Variants in WDR25 observed in about 807,000 individuals in gnomAD.
WDR25 encodes WD repeat domain 25, also known as WD repeat-containing protein 25.
Under a neutral mutation model 47.7 loss-of-function variants are expected in WDR25, and 35 were observed. The ratio of observed to expected loss-of-function variants is 0.73; its 90% CI spans 0.56 to 0.97. The LOEUF (loss-of-function observed/expected upper bound fraction) is 0.97, where lower values mean the gene tolerates loss of function less well. Among genes scored for constraint, WDR25 ranks in the 50% least tolerant of loss-of-function variants. WDR25 has a pLI of 0.00. For missense variants in WDR25, 634 were observed against 704.7 expected (o/e 0.90, Z 1.14); for synonymous variants, 248 against 278.9 (o/e 0.89, Z 1.10).
chr14:100,406,867 G>A (rs1897554462), intron 2 of WDR25: 1 of 152,384 alleles, frequency 6.6e-6, no homozygotes, highest in Non-Finnish European at 1.5e-5. Context: ...GCGGTTGGCA[G>A]ATGTGAAATG....
At chr14:100,442,560 C>T (rs1898703351) in intron 2 of WDR25, among the ~76,000 whole-genome samples, 1 of 152,162 alleles carries the variant, frequency 6.6e-6, no homozygotes, top group Non-Finnish European at 1.5e-5. Context: ...GTGATCTGTC[C>T]CCTTGTATCT....
At chr14:100,445,273 T>A (rs1395214542) in intron 2 of WDR25, among the ~76,000 whole-genome samples, 1 of 152,246 alleles carries the variant, frequency 6.6e-6, no homozygotes, top group Non-Finnish European at 1.5e-5. Context: ...TCATTAAAAA[T>A]CATGCAAATA....
intron 3 of WDR25, among the ~76,000 whole-genome samples, chr14:100,475,000 A>G (rs1194888241): frequency 3.3e-5 from 5 of 152,236 alleles, no homozygotes; most frequent in African/African-American, 9.6e-5. Flanking sequence ...GACTTTTCTC[A>G]AAAGAAGAGA....
intron 2 of WDR25, among the ~76,000 whole-genome samples, chr14:100,385,694 TC>T (rs1897003147): frequency 6.6e-6 from 1 of 152,160 alleles, no homozygotes; most frequent in Non-Finnish European, 1.5e-5. Flanking sequence ...GACGATCCCT[TC>T]CTCCCCTTGT....
intron 4 of WDR25, among the ~76,000 whole-genome samples, chr14:100,522,482 A>G (rs1236325925): frequency 6.6e-6 from 1 of 152,162 alleles, no homozygotes; most frequent in Non-Finnish European, 1.5e-5. Flanking sequence ...GTCCTGTGCT[A>G]CCTTTCCACT....
chr14:100,514,045 C>T (rs1203129579), intron 4 of WDR25, among the ~76,000 whole-genome samples: 1 of 151,862 alleles, frequency 6.6e-6, no homozygotes, highest in African/African-American at 2.4e-5. Flanking sequence ...ACGCCATTCT[C>T]CTGCCTCAGC....
chr14:100,495,104 C>A (rs1900689474), intron 4 of WDR25, among the ~76,000 whole-genome samples: 1 of 152,212 alleles, frequency 6.6e-6, no homozygotes, highest in African/African-American at 2.4e-5. Context: ...CGCCTGTAAT[C>A]CCAGCACTTT....
At chr14:100,413,563 A>G (rs1006060823) in intron 2 of WDR25, among the ~76,000 whole-genome samples, 21 of 151,926 alleles carry the variant, frequency 1.4e-4, no homozygotes, top group Admixed American at 1.0e-3. Context: ...ACAGGCGCCC[A>G]CCACCACGCC....
chr14:100,528,940 T>C (rs1198832236), intron 5 of WDR25, 128 bp from the exon 6 acceptor site: 1 of 1,100,732 alleles, frequency 9.1e-7, no homozygotes, highest in Non-Finnish European at 1.2e-6. Context: ...TGTGGTGATT[T>C]GTCACAGCAG....
intron 2 of WDR25, among the ~76,000 whole-genome samples, chr14:100,446,109 G>C (rs865970422): frequency 2.0e-5 from 3 of 152,148 alleles, no homozygotes; most frequent in Admixed American, 6.5e-5. Context: ...CCTTCCTCCT[G>C]GCGTGGTGGG....
At chr14:100,513,933 T>C (rs1375991425) in intron 4 of WDR25, among the ~76,000 whole-genome samples, 2 of 149,994 alleles carry the variant, frequency 1.3e-5, no homozygotes, top group South Asian at 2.1e-4. Flanking sequence ...GGCATATCTT[T>C]TTTACTTTTT....
At chr14:100,492,129 G>A (rs774947539) in intron 4 of WDR25, among the ~76,000 whole-genome samples, 6 of 152,218 alleles carry the variant, frequency 3.9e-5, no homozygotes, top group Admixed American at 6.5e-5. Context: ...GTTAGATGGC[G>A]CATGCCCTAA....
intron 4 of WDR25, among the ~76,000 whole-genome samples, chr14:100,486,164 G>A (rs893932926): frequency 2.0e-5 from 3 of 152,030 alleles, no homozygotes; most frequent in African/African-American, 7.2e-5. Flanking sequence ...GTTTGAAGTG[G>A]GACCTCCTGA....
intron 2 of WDR25, among the ~76,000 whole-genome samples, chr14:100,401,519 C>T (rs1378523753): frequency 6.6e-6 from 1 of 152,224 alleles, no homozygotes; most frequent in Non-Finnish European, 1.5e-5. Flanking sequence ...AGGGCTGCCT[C>T]AGGTTGGATC....
chr14:100,434,574 A>G (rs1045718968), intron 2 of WDR25, among the ~76,000 whole-genome samples: 6 of 152,158 alleles, frequency 3.9e-5, no homozygotes. Flanking sequence ...TTGAAATACA[A>G]TTTGGTTCCT....
rs1013619855 is a variant in WDR25 at position 100,428,373 on chromosome 14, C to T, written c.823-39648C>T. Reference sequence around the variant, plus strand: ...TGTAGCGAGCCTGGTCAGAGCATGGCGTCTGGAGTCAGGCGGCCTGGCTAC... The same window carrying T: ...TGTAGCGAGCCTGGTCAGAGCATGGTGTCTGGAGTCAGGCGGCCTGGCTAC... On this transcript the variant is annotated intron_variant, in intron 2 of 6. Transcript: ENST00000402312. The surrounding 1 kb of genome is among the most constrained non-coding windows in gnomAD (Gnocchi z 4.3). 3.9e-5 allele frequency among the ~76,000 whole-genome samples: 6 copies of T among 152,160 alleles called. No homozygotes were observed. Among genetic ancestry groups the T allele is most frequent in the African/African-American group, 1.4e-4 (6 of 41,430 alleles).
intron 2 of WDR25, among the ~76,000 whole-genome samples, chr14:100,414,630 A>C (rs1332251321): frequency 6.6e-6 from 1 of 152,152 alleles, no homozygotes; most frequent in Admixed American, 6.5e-5. Flanking sequence ...GGTAGTTCTT[A>C]AATGAATGTT....
intron 2 of WDR25, among the ~76,000 whole-genome samples, chr14:100,442,897 C>T (rs1457242616): frequency 6.6e-6 from 1 of 152,232 alleles, no homozygotes; most frequent in Non-Finnish European, 1.5e-5. Flanking sequence ...AGCAATTACA[C>T]AGTGTATGGG....
chr14:100,384,378 G>A (rs958704227), intron 2 of WDR25, among the ~76,000 whole-genome samples: 3 of 152,258 alleles, frequency 2.0e-5, no homozygotes, highest in Non-Finnish European at 4.4e-5. Context: ...TGTGAAGAGT[G>A]TATGGCAGGG....
Sources: allele counts gnomAD v4.1 joint callset (sites outside exome capture counted in the v4.1 genomes callset), GRCh38; gene constraint gnomAD v4.1.1; non-coding constraint Gnocchi (gnomAD v3.1); transcripts MANE v1.5; gene names NCBI Gene and HGNC (gene_info 2026-07-23, HGNC 2026-07-21).